Variants in RBFOX1 observed in about 807,000 individuals in gnomAD.
RBFOX1 encodes the protein RNA binding fox-1 homolog 1.
In RBFOX1, 8 loss-of-function variants were observed where a neutral mutation model predicts 57.7. The observed-to-expected ratio is 0.14, with a 90% CI of 0.08 to 0.25. The LOEUF (loss-of-function observed/expected upper bound fraction) is 0.25, where lower values mean the gene tolerates loss of function less well. RBFOX1 is among the 10% of genes least tolerant of loss of function. The probability of loss-of-function intolerance (pLI) is 1.00; values close to 1 mark genes in which losing one functional copy is unlikely to be tolerated. For missense variants in RBFOX1, 611 were observed against 548.5 expected (o/e 1.11, Z -1.14); for synonymous variants, 326 against 222.4 (o/e 1.47, Z -4.15).
rs60749168 is a variant in RBFOX1, at chr16:5,944,790, T to TAAAAAAAAAAAAAAAA, written c.351+77459_351+77474dup. Among the ~76,000 whole-genome samples, 51 of 41,250 alleles carry TAAAAAAAAAAAAAAAA rather than the reference T, an allele frequency of 1.2e-3. 7 individuals carry two copies. The highest frequency in any genetic ancestry group is 2.1e-3 in the Admixed American group (7 of 3,264). The allele number at this position is 41,250 out of a possible 152,430, so 27.1% of individuals were successfully genotyped here. On this transcript the variant is annotated intron_variant, in intron 4 of 19. Coordinates refer to the RBFOX1 transcript ENST00000641259. ...CAACTTGGTGAAACCCTGTCTCTGC[T>TAAAAAAAAAAAAAAAA]AAAAAAAAAAAAAAAAAAATTAGCT...
At chr16:7,152,117 A>G (rs2076222284) in intron 4 of RBFOX1, among the ~76,000 whole-genome samples, 1 of 152,208 alleles carries the variant, frequency 6.6e-6, no homozygotes, top group Admixed American at 6.5e-5. Context: ...GGTTCCATAT[A>G]TAAAACAAAA....
intron 11 of RBFOX1, among the ~76,000 whole-genome samples, chr16:7,641,227 C>T (rs1455634535): frequency 6.6e-6 from 1 of 152,220 alleles, no homozygotes. Context: ...GCTGCTGCTT[C>T]TTCCCTTGCC....
At chr16:6,474,412 G>A (rs369890372) in intron 2 of RBFOX1, among the ~76,000 whole-genome samples, 186 of 152,226 alleles carry the variant, frequency 1.2e-3, no homozygotes, top group African/African-American at 4.2e-3. Flanking sequence ...TTTTGAGGAG[G>A]CACTTAAAGA....
Position 7,498,460 on chromosome 16 carries a change from A to G in RBFOX1, c.28-19687A>G, listed in dbSNP as rs529969061. 1.0e-4 allele frequency among the ~76,000 whole-genome samples: 15 copies of G among 150,328 alleles called. No individual in the cohort carries two copies. The East Asian group carries it at 1.6e-3, about 16-fold the overall frequency. On this transcript the variant is annotated intron_variant, in intron 4 of 15. Coordinates refer to ENST00000550418, the MANE Select transcript of RBFOX1 (RefSeq NM_018723.4). ...ACATATGTAGTGGGTTTTTTTTTAT[A>G]CTTTCTGGTAGCCATATTAAGGCAA... is the stretch of plus-strand genomic sequence containing the variant.
intron 2 of RBFOX1, among the ~76,000 whole-genome samples, chr16:6,576,212 T>C (rs1447805134): frequency 6.6e-6 from 1 of 152,116 alleles, no homozygotes; most frequent in Admixed American, 6.6e-5. Flanking sequence ...TTCGAGTGGG[T>C]GGAGCCTGTC....
In RBFOX1 at chr16:7,074,306, C is replaced by T. The variant is rs187921506; in HGVS notation, c.27+22208C>T. 1.3e-3 allele frequency among the ~76,000 whole-genome samples: 204 copies of T among 152,292 alleles called. 1 individual carries two copies. The highest frequency in any genetic ancestry group is 4.7e-3 in the African/African-American group (196 of 41,578). On this transcript the variant is annotated intron_variant, in intron 4 of 15. Transcript: ENST00000550418. ...GAAGTCTCAGAAATCGAATGAAAACCATAAGCAAGAACCAAACTGAGATTC... is the reference window on the plus strand; with the variant it reads ...GAAGTCTCAGAAATCGAATGAAAACTATAAGCAAGAACCAAACTGAGATTC...
intron 2 of RBFOX1, among the ~76,000 whole-genome samples, chr16:6,567,902 C>T (rs1176761220): frequency 6.6e-6 from 1 of 152,112 alleles, no homozygotes. Context: ...TTTGCTGGAG[C>T]CTTGAACTGC....
intron 2 of RBFOX1, among the ~76,000 whole-genome samples, chr16:5,510,563 C>A (rs912663072): frequency 6.6e-6 from 1 of 152,072 alleles, no homozygotes; most frequent in Admixed American, 6.5e-5. Flanking sequence ...GAGCACCCTT[C>A]CTGGAATGAT....
intron 1 of RBFOX1, among the ~76,000 whole-genome samples, chr16:5,395,305 T>C (rs1171591894): frequency 1.3e-5 from 2 of 152,266 alleles, no homozygotes; most frequent in Admixed American, 6.5e-5. Context: ...AGGCTCTTCG[T>C]ACATTCTTCT....
At chr16:5,524,769 G>T (rs1218453891) in intron 2 of RBFOX1, among the ~76,000 whole-genome samples, 5 of 151,942 alleles carry the variant, frequency 3.3e-5, no homozygotes, top group Non-Finnish European at 7.4e-5. Flanking sequence ...TTGAACTCCT[G>T]ACCTCAAGTA....
In RBFOX1 at chr16:7,132,455, C is replaced by T. The variant is rs867245129; in HGVS notation, c.27+80357C>T. 4.0e-4 allele frequency among the ~76,000 whole-genome samples: 56 copies of T among 139,534 alleles called. 1 individual carries two copies. The highest frequency in any genetic ancestry group is 1.4e-3 in the African/African-American group (48 of 34,538). 91.5% of individuals were successfully genotyped at this position (139,534 alleles called of 152,430 possible). A position where few individuals can be genotyped will look rare whatever the true frequency, so the allele number is the denominator to read the frequency against. On this transcript the variant is annotated intron_variant, in intron 4 of 15. Coordinates refer to ENST00000550418, the MANE Select transcript of RBFOX1 (RefSeq NM_018723.4). ...ACAGACACACACACACACACACACA[C>T]ACACACACACACACACACACACACA...
Position 6,934,221 on chromosome 16 carries a change from A to T in RBFOX1, c.-15-117836A>T, listed in dbSNP as rs1194041755. 2.6e-5 allele frequency among the ~76,000 whole-genome samples: 4 copies of T among 152,198 alleles called. No homozygotes were observed. In the East Asian group the frequency reaches 7.7e-4, roughly 29 times the overall value. The stretch of plus-strand genomic sequence containing the variant: ...CTGGTCTAGGGATTCTTGCTATAGA[A>T]CTACAGAGCGGTAACTTGAGTCACT... On this transcript the variant is annotated intron_variant, in intron 3 of 15. Coordinates refer to ENST00000550418, the MANE Select transcript of RBFOX1 (RefSeq NM_018723.4).
intron 3 of RBFOX1, among the ~76,000 whole-genome samples, chr16:6,766,437 C>G (rs2077340357): frequency 6.6e-6 from 1 of 151,932 alleles, no homozygotes; most frequent in Non-Finnish European, 1.5e-5. Flanking sequence ...GTCACTTGGC[C>G]TTTTCTAGTA....
chr16:7,300,144 T>C (rs183921672), intron 4 of RBFOX1, among the ~76,000 whole-genome samples: 27 of 152,320 alleles, frequency 1.8e-4, no homozygotes, highest in Non-Finnish European at 1.0e-4. Flanking sequence ...TTGCCTGCTA[T>C]GCTTCCCACA....
intron 2 of RBFOX1, among the ~76,000 whole-genome samples, chr16:6,542,792 G>C (rs181209202): frequency 1.9e-4 from 29 of 151,974 alleles, no homozygotes; most frequent in African/African-American, 7.0e-4. Context: ...GCGCCCGGCC[G>C]GGACCACAGT....
rs71147697 is a variant in RBFOX1 at position 7,428,494 on chromosome 16, TTTATTATTATTATTA to T, written c.28-89620_28-89606del. ...GGCATCCACTACCACTCCTGGCTAT[TTTATTATTATTATTA>T]TTATTATTATTATTATTATTATTAT... On this transcript the variant is annotated intron_variant, in intron 4 of 15. Transcript: ENST00000550418. Among the ~76,000 whole-genome samples, 403 of 128,712 alleles carry T rather than the reference TTTATTATTATTATTA, an allele frequency of 3.1e-3. 2 individuals carry two copies. Among genetic ancestry groups the T allele is most frequent in the African/African-American group, 9.5e-3 (325 of 34,256 alleles). The allele number at this position is 128,712 out of a possible 152,430, so 84.4% of individuals were successfully genotyped here. A position where few individuals can be genotyped will look rare whatever the true frequency, so the allele number is the denominator to read the frequency against.
chr16:5,815,913 G>C (rs1567578162), intron 3 of RBFOX1, among the ~76,000 whole-genome samples: 2 of 152,166 alleles, frequency 1.3e-5, no homozygotes, highest in Non-Finnish European at 2.9e-5. Context: ...AAATCCACCG[G>C]GTGGTGTGGA....
chr16:5,752,151 C>T (rs1046010067), intron 3 of RBFOX1, among the ~76,000 whole-genome samples: 1 of 152,154 alleles, frequency 6.6e-6, no homozygotes, highest in Admixed American at 6.5e-5. Context: ...GGCTATTGTC[C>T]TCAGCAAACT....
chr16:7,005,357 T>C (rs1289517684), intron 3 of RBFOX1, among the ~76,000 whole-genome samples: 1 of 152,136 alleles, frequency 6.6e-6, no homozygotes, highest in East Asian at 1.9e-4. Flanking sequence ...AAAGACTAAG[T>C]TGACTTATAG....
Sources: allele counts gnomAD v4.1 joint callset (sites outside exome capture counted in the v4.1 genomes callset), GRCh38; gene constraint gnomAD v4.1.1; transcripts MANE v1.5; gene names NCBI Gene and HGNC (gene_info 2026-07-23, HGNC 2026-07-21).